KCNQ1: variants seen among roughly 807,000 people sequenced by gnomAD.
KCNQ1 encodes the protein potassium voltage-gated channel subfamily Q member 1.
Under a neutral mutation model 72.4 loss-of-function variants are expected in KCNQ1, and 49 were observed. The ratio of observed to expected loss-of-function variants is 0.68; its 90% CI spans 0.54 to 0.86. The LOEUF is 0.86. Ranked by LOEUF, KCNQ1 falls within the 40% of genes least tolerant of loss-of-function variation. KCNQ1 has a pLI of 0.00. For missense variants in KCNQ1, 790 were observed against 945.1 expected (o/e 0.84, Z 2.15); for synonymous variants, 450 against 412.6 (o/e 1.09, Z -1.10).
rs187749781 is a variant in KCNQ1 at position 2,513,354 on chromosome 11, A to G, written c.387-14574A>G. On this transcript the variant is annotated intron_variant, in intron 1 of 15. Transcript: ENST00000155840. The stretch of plus-strand genomic sequence containing the variant: ...AAGGTTTCATGACCTCAAGGGACCC[A>G]TGGGACTTGAGGGTGGGGCAGCTGT... Among the ~76,000 whole-genome samples the G allele has an allele frequency of 4.6e-3, 705 of 152,274 alleles. 25 individuals are homozygous for G. The highest frequency in any genetic ancestry group is 5.6e-3 in the East Asian group (29 of 5,182).
At chr11:2,820,225 C>G (rs922568637) in intron 15 of KCNQ1, among the ~76,000 whole-genome samples, 1 of 151,960 alleles carries the variant, frequency 6.6e-6, no homozygotes, top group Non-Finnish European at 1.5e-5. Context: ...CTCCAAATAC[C>G]CTATAGGAAG....
chr11:2,733,857 C>CTCTCACTCTCTCACTCTTTCTCTCT (rs147278439), intron 11 of KCNQ1, among the ~76,000 whole-genome samples: 4 of 76,320 alleles, frequency 5.2e-5, no homozygotes, highest in Non-Finnish European at 7.6e-5. Flanking sequence ...CTCTCTCTCT[C>CTCTCACTCTCTCACTCTTTCTCTCT]CCCCCCCACT....
At chr11:2,480,468 C>T (rs1846634692) in intron 1 of KCNQ1, among the ~76,000 whole-genome samples, 1 of 152,192 alleles carries the variant, frequency 6.6e-6, no homozygotes, top group Non-Finnish European at 1.5e-5. Flanking sequence ...CAAGGGGTTC[C>T]CCCTTATAAA....
rs1845714207 is a variant in KCNQ1, at chr11:2,723,888, G to T, written c.1515-44956G>T. Among the ~76,000 whole-genome samples, 1 of 152,214 alleles carries T rather than the reference G, an allele frequency of 6.6e-6. No individual in the cohort carries two copies. Among genetic ancestry groups the T allele is most frequent in the Admixed American group, 6.5e-5 (1 of 15,284 alleles). ...GATTCCAGGGGGACCTCGGGACGAG[G>T]AAGTCACACGTTGGGGGATGTGCCG... On this transcript the variant is annotated intron_variant, in intron 11 of 15. Coordinates refer to ENST00000155840, the MANE Select transcript of KCNQ1 (RefSeq NM_000218.3). This position sits in a 1 kb window ranked among gnomAD's most constrained non-coding sequence, Gnocchi z 4.2.
intron 2 of KCNQ1, among the ~76,000 whole-genome samples, chr11:2,552,805 C>T (rs1180215779): frequency 7.0e-5 from 10 of 142,120 alleles, no homozygotes; most frequent in East Asian, 4.1e-4. Flanking sequence ...CCGAGTTTTC[C>T]GATCCACGAA....
At chr11:2,763,248 C>G (rs1185254348) in intron 11 of KCNQ1, among the ~76,000 whole-genome samples, 1 of 152,014 alleles carries the variant, frequency 6.6e-6, no homozygotes, top group African/African-American at 2.4e-5. Context: ...TTCTGTGTAG[C>G]AGTCTTACAC....
chr11:2,585,223 C>T lies in KCNQ1; in HGVS notation c.1044C>T (p.Gly348=). 6.2e-7 allele frequency: 1 copy of T among 1,614,072 alleles called. No individual in the cohort carries two copies. Among genetic ancestry groups the T allele is most frequent in the Non-Finnish European group, 8.5e-7 (1 of 1,179,984 alleles). Residue 348 remains glycine (G), a synonymous_variant, in exon 8 of 16, where the codon GGC becomes GGT. Coordinates refer to ENST00000155840, the MANE Select transcript of KCNQ1 (RefSeq NM_000218.3). Reference sequence around the variant, plus strand: ...CCATTCCTTCCCAGGGGATTCTTGGCTCGGGGTTTGCCCTGAAGGTGCAGC... The same window carrying T: ...CCATTCCTTCCCAGGGGATTCTTGGTTCGGGGTTTGCCCTGAAGGTGCAGC... ...SFFALPAGIL[G]SGFALKVQQK...
In KCNQ1 at chr11:2,659,914, G is replaced by T. The variant is rs1381522325; in HGVS notation, c.1394-2047G>T. On this transcript the variant is annotated intron_variant, in intron 10 of 15. Coordinates refer to ENST00000155840, the MANE Select transcript of KCNQ1 (RefSeq NM_000218.3). This position sits in a 1 kb window ranked among gnomAD's most constrained non-coding sequence, Gnocchi z 4.3. The stretch of plus-strand genomic sequence containing the variant: ...TGTTCACTTTATTGTCAAGTTGTAA[G>T]CATTCTTTATATATTCTGAGTGCAA... 2.5e-6 allele frequency: 1 copy of T among 398,192 alleles called. No homozygotes were observed. Among genetic ancestry groups the T allele is most frequent in the Non-Finnish European group, 4.4e-6 (1 of 225,968 alleles). 24.7% of individuals were successfully genotyped at this position (398,192 alleles called of 1,614,324 possible).
At chr11:2,660,961 A>G (rs1214620503) in intron 10 of KCNQ1, 5 of 398,678 alleles carry the variant, frequency 1.3e-5, no homozygotes, top group African/African-American at 6.2e-5. Context: ...GCTGTGGCCA[A>G]TCTAAACTGT....
chr11:2,661,897 G>C lies in KCNQ1; in HGVS notation c.1394-64G>C. On this transcript the variant is annotated intron_variant, in intron 10 of 15. Coordinates refer to ENST00000155840, the MANE Select transcript of KCNQ1 (RefSeq NM_000218.3). This position sits in a 1 kb window ranked among gnomAD's most constrained non-coding sequence, Gnocchi z 5.9. Reference sequence around the variant, plus strand: ...CCTGGCCCTGGGAGCTCACAGGCCTGGCTCCACAGCACTGGCAGGTTGGGT... The same window carrying C: ...CCTGGCCCTGGGAGCTCACAGGCCTCGCTCCACAGCACTGGCAGGTTGGGT... 6.2e-7 allele frequency: 1 copy of C among 1,609,530 alleles called. No individual in the cohort carries two copies. Among genetic ancestry groups the C allele is most frequent in the Admixed American group, 1.7e-5 (1 of 60,008 alleles).
rs2133870597 is a variant in KCNQ1 at position 2,673,095 on chromosome 11, AC to A, written c.1514+11015del. 2.5e-6 allele frequency: 1 copy of A among 398,918 alleles called. No individual in the cohort carries two copies. The highest frequency in any genetic ancestry group is 1.3e-4 in the South Asian group (1 of 7,862). The allele number at this position is 398,918 out of a possible 1,614,324, so 24.7% of individuals were successfully genotyped here. On this transcript the variant is annotated intron_variant, in intron 11 of 15. Coordinates refer to ENST00000155840, the MANE Select transcript of KCNQ1 (RefSeq NM_000218.3). The surrounding 1 kb of genome is among the most constrained non-coding windows in gnomAD (Gnocchi z 4.5). ...TCAGGCCACAGTAGGCCTTCACGGT[AC>A]TCAGCAGGAGACCCCAGCAGGCAGC...
At chr11:2,472,821 G>A (rs1253745782) in intron 1 of KCNQ1, among the ~76,000 whole-genome samples, 2 of 152,140 alleles carry the variant, frequency 1.3e-5, no homozygotes, top group Non-Finnish European at 2.9e-5. Context: ...CAACCATGCT[G>A]TGGGTGGAGG....
chr11:2,643,540 C>G, intron 10 of KCNQ1: 2 of 398,422 alleles, frequency 5.0e-6, no homozygotes, highest in Non-Finnish European at 8.8e-6. Flanking sequence ...AACTATGTGT[C>G]TTTACAGGTG....
Position 2,788,000 on chromosome 11 carries a change from G to A in KCNQ1, c.1794+9963G>A, listed in dbSNP as rs1012834569. 1.3e-5 allele frequency among the ~76,000 whole-genome samples: 2 copies of A among 152,226 alleles called. No individual in the cohort carries two copies. Among genetic ancestry groups the A allele is most frequent in the Non-Finnish European group, 2.9e-5 (2 of 68,040 alleles). On this transcript the variant is annotated intron_variant, in intron 15 of 15. Transcript: ENST00000155840. The surrounding 1 kb of genome is among the most constrained non-coding windows in gnomAD (Gnocchi z 6.3). Reference sequence around the variant, plus strand: ...GACGGGCATGGCCGTGCGCGCGTGTGGGGAGGTGAGTGTGGCTCCCCCAAC... The same window carrying A: ...GACGGGCATGGCCGTGCGCGCGTGTAGGGAGGTGAGTGTGGCTCCCCCAAC...
chr11:2,687,166 A>G lies in KCNQ1; in HGVS notation c.1514+25085A>G, dbSNP rs1206544000. On this transcript the variant is annotated intron_variant, in intron 11 of 15. Transcript: ENST00000155840. The surrounding 1 kb of genome is among the most constrained non-coding windows in gnomAD (Gnocchi z 5.0). The stretch of plus-strand genomic sequence containing the variant: ...TGAGCCAGCTTCCTCCACAAAGCAC[A>G]GAAGTCTGCCAAAAGCCCAGGCTGG... 5.0e-6 allele frequency: 2 copies of G among 398,648 alleles called. No homozygotes were observed. Among genetic ancestry groups the G allele is most frequent in the Middle Eastern group, 6.3e-4 (1 of 1,588 alleles). The allele number at this position is 398,648 out of a possible 1,614,324, so 24.7% of individuals were successfully genotyped here.
In KCNQ1 at chr11:2,676,820, C is replaced by T; in HGVS notation, c.1514+14739C>T. 2.5e-6 allele frequency: 1 copy of T among 398,586 alleles called. No homozygotes were observed. The highest frequency in any genetic ancestry group is 4.4e-6 in the Non-Finnish European group (1 of 226,076). The allele number at this position is 398,586 out of a possible 1,614,324, so 24.7% of individuals were successfully genotyped here. On this transcript the variant is annotated intron_variant, in intron 11 of 15. Transcript: ENST00000155840. This position sits in a 1 kb window ranked among gnomAD's most constrained non-coding sequence, Gnocchi z 4.2. ...GCCAGTGTATTGTGCTGGGATCTACCACAGGGGTCATGTTGTAATGACACC... is the reference window on the plus strand; with the variant it reads ...GCCAGTGTATTGTGCTGGGATCTACTACAGGGGTCATGTTGTAATGACACC...
intron 1 of KCNQ1, among the ~76,000 whole-genome samples, chr11:2,502,858 A>G (rs1450836762): frequency 6.6e-6 from 1 of 152,236 alleles, no homozygotes; most frequent in Non-Finnish European, 1.5e-5. Flanking sequence ...GGAACAGAAT[A>G]GAAAACCCAG....
intron 2 of KCNQ1, among the ~76,000 whole-genome samples, chr11:2,545,351 T>C (rs896405614): frequency 6.6e-6 from 1 of 152,230 alleles, no homozygotes; most frequent in Non-Finnish European, 1.5e-5. Context: ...ATTGGTCTTA[T>C]TTCTTCCCTC....
chr11:2,699,954 C>T, intron 11 of KCNQ1: 1 of 398,394 alleles, frequency 2.5e-6, no homozygotes, highest in Non-Finnish European at 4.4e-6. Flanking sequence ...TGCTGAGGAG[C>T]TCCCTGGAGG....
Sources: gnomAD v4.1 joint callset for allele counts (sites outside exome capture counted in the v4.1 genomes callset) on GRCh38, gnomAD v4.1.1 for gene constraint, Gnocchi (gnomAD v3.1) non-coding constraint, MANE v1.5 for transcripts, NCBI Gene and HGNC (gene_info 2026-07-23, HGNC 2026-07-21) for gene names.